Variants in PCDH15 observed in about 807,000 individuals in gnomAD.
The protein encoded by PCDH15 is protocadherin related 15.
Under a neutral mutation model 178.5 loss-of-function variants are expected in PCDH15, and 129 were observed. That is an observed-to-expected ratio of 0.72 (90% CI 0.63 to 0.84). The LOEUF is 0.84. Among genes scored for constraint, PCDH15 ranks in the 40% least tolerant of loss-of-function variants. The pLI is 0.00. For missense variants in PCDH15, 2,230 were observed against 2,099.9 expected, an observed-to-expected ratio of 1.06 and a Z score of -1.21; for synonymous variants, 800 against 732.0, an observed-to-expected ratio of 1.09 and a Z score of -1.50.
intron 10 of PCDH15, among the ~76,000 whole-genome samples, chr10:54,201,269 T>A (rs903473314): frequency 2.6e-5 from 4 of 152,172 alleles, no homozygotes; most frequent in Admixed American, 6.5e-5. Context: ...AAACTTGAGA[T>A]GAAAAAATAC....
chr10:55,227,644 T>G (rs1841090359), intron 1 of PCDH15, among the ~76,000 whole-genome samples: 1 of 152,008 alleles, frequency 6.6e-6, no homozygotes, highest in African/African-American at 2.4e-5. Flanking sequence ...TATTGAGAAC[T>G]AAGAAAAGTA....
intron 14 of PCDH15, among the ~76,000 whole-genome samples, chr10:54,150,012 C>A (rs2044365657): frequency 6.6e-6 from 1 of 152,046 alleles, no homozygotes; most frequent in African/African-American, 2.4e-5. Context: ...CGCCTTAAAC[C>A]TCTTATTGGA....
At chr10:54,689,862 G>A (rs763399032) in intron 1 of PCDH15, among the ~76,000 whole-genome samples, 14 of 152,112 alleles carry the variant, frequency 9.2e-5, no homozygotes, top group Admixed American at 7.2e-4. Flanking sequence ...AATTCTATTG[G>A]ATGGGAGCAG....
chr10:54,114,900 G>A (rs1439371952), intron 15 of PCDH15, among the ~76,000 whole-genome samples: 1 of 152,202 alleles, frequency 6.6e-6, no homozygotes, highest in Admixed American at 6.5e-5. Context: ...GTAGCTATCA[G>A]TACAACATTT....
chr10:54,369,111 G>A lies in PCDH15; in HGVS notation c.474+9C>T. The A allele has an allele frequency of 6.2e-7, 1 of 1,612,470 alleles. No homozygotes were observed. Among genetic ancestry groups the A allele is most frequent in the Non-Finnish European group, 8.5e-7 (1 of 1,179,040 alleles). ...AGAAAGGACAGAGAGAGAGTAAATA[G>A]AAACTGACCTCATTCACTGTGGCAT... is the stretch of plus-strand genomic sequence containing the variant. On this transcript the variant is annotated intron_variant, in intron 5 of 37. Coordinates refer to ENST00000644397, the MANE Select transcript of PCDH15 (RefSeq NM_001384140.1).
chr10:53,835,926 G>A (rs940078722), intron 29 of PCDH15, among the ~76,000 whole-genome samples: 3 of 152,178 alleles, frequency 2.0e-5, no homozygotes, highest in African/African-American at 7.2e-5. Context: ...CATGGTGTAA[G>A]AATAGGAACA....
At chr10:54,073,078 CT>C (rs545213577) in intron 17 of PCDH15, among the ~76,000 whole-genome samples, 2,415 of 151,560 alleles carry the variant, frequency 0.016, 64 homozygotes, top group African/African-American at 0.056. Flanking sequence ...AATAAAGAAG[CT>C]TTTTTTTCTC....
chr10:54,271,573 T>G (rs1247024020), intron 8 of PCDH15, among the ~76,000 whole-genome samples: 1 of 152,154 alleles, frequency 6.6e-6, no homozygotes, highest in Non-Finnish European at 1.5e-5. Flanking sequence ...CTACAAACAT[T>G]GTATACTTTT....
intron 2 of PCDH15, among the ~76,000 whole-genome samples, chr10:54,968,738 A>G (rs1421135282): frequency 6.6e-6 from 1 of 152,132 alleles, no homozygotes; most frequent in Non-Finnish European, 1.5e-5. Context: ...CTCTTTCAAG[A>G]ATATCAATCA....
At chr10:55,089,549 C>T (rs1842262173) in intron 2 of PCDH15, among the ~76,000 whole-genome samples, 1 of 151,944 alleles carries the variant, frequency 6.6e-6, no homozygotes. Flanking sequence ...TGTATTTCCC[C>T]ATGATTGAGA....
At chr10:54,578,130 G>C (rs991925734) in intron 2 of PCDH15, among the ~76,000 whole-genome samples, 1 of 151,958 alleles carries the variant, frequency 6.6e-6, no homozygotes, top group African/African-American at 2.4e-5. Flanking sequence ...ATGTTGATTA[G>C]CCTACTCCTT....
chr10:54,151,213 T>C (rs1177548981), intron 14 of PCDH15, among the ~76,000 whole-genome samples: 1 of 152,056 alleles, frequency 6.6e-6, no homozygotes, highest in African/African-American at 2.4e-5. Flanking sequence ...GACAAGCATT[T>C]TTATTGGAAG....
intron 2 of PCDH15, among the ~76,000 whole-genome samples, chr10:54,567,480 C>A (rs974621043): frequency 1.3e-5 from 2 of 152,092 alleles, no homozygotes; most frequent in Non-Finnish European, 2.9e-5. Context: ...TAAATTATAT[C>A]ATTTCACATT....
At chr10:55,552,410 A>G (rs1842018925) in intron 2 of PCDH15, among the ~76,000 whole-genome samples, 1 of 151,536 alleles carries the variant, frequency 6.6e-6, no homozygotes, top group Non-Finnish European at 1.5e-5. Context: ...GCAATGATAA[A>G]ATCTATTATT....
chr10:54,435,345 A>G (rs898983835), intron 3 of PCDH15, among the ~76,000 whole-genome samples: 3 of 152,248 alleles, frequency 2.0e-5, no homozygotes, highest in African/African-American at 7.2e-5. Flanking sequence ...TTAGATCTCA[A>G]CTGAAATATT....
At chr10:54,565,167 G>C (rs1158817359) in intron 2 of PCDH15, among the ~76,000 whole-genome samples, 1 of 152,124 alleles carries the variant, frequency 6.6e-6, no homozygotes, top group Non-Finnish European at 1.5e-5. Flanking sequence ...TTCCTACAAG[G>C]AGAAAATGTA....
At chr10:54,350,911 C>A (rs1189422795) in intron 5 of PCDH15, among the ~76,000 whole-genome samples, 2 of 152,018 alleles carry the variant, frequency 1.3e-5, no homozygotes, top group Admixed American at 1.3e-4. Flanking sequence ...GGAGTCCAGC[C>A]TGGCCAGCAT....
intron 27 of PCDH15, among the ~76,000 whole-genome samples, chr10:53,860,318 G>C (rs953094282): frequency 6.6e-6 from 1 of 152,272 alleles, no homozygotes; most frequent in African/African-American, 2.4e-5. Flanking sequence ...TTGTAGTTTA[G>C]TGGAGCCATA....
rs1464857195 is a variant in PCDH15, at chr10:54,286,840, C to CTGG, written c.876+30428_876+30430dup. ...ACGGGGTTTTGCCATGTTGGCCAGG[C>CTGG]TGGTGTTGAACTCCTGACCTCTGGT... On this transcript the variant is annotated intron_variant, in intron 8 of 37. Transcript: ENST00000644397. 2.0e-5 allele frequency among the ~76,000 whole-genome samples: 3 copies of CTGG among 152,138 alleles called. No homozygotes were observed. The East Asian group carries it at 5.8e-4, about 29-fold the overall frequency.
Sources: gnomAD v4.1 joint callset for allele counts (sites outside exome capture counted in the v4.1 genomes callset) on GRCh38, gnomAD v4.1.1 for gene constraint, MANE v1.5 for transcripts, NCBI Gene and HGNC (gene_info 2026-07-23, HGNC 2026-07-21) for gene names.